The following SLC39A8 variants were observed in gnomAD, a reference collection of about 807,000 sequenced individuals.
The protein encoded by SLC39A8 is metal cation symporter ZIP8.
SLC39A8 carries 15 observed loss-of-function variants against 40.4 expected under a neutral mutation model. That is an observed-to-expected ratio of 0.37 (90% CI 0.25 to 0.57). The LOEUF (loss-of-function observed/expected upper bound fraction) is 0.57, where lower values mean the gene tolerates loss of function less well. Ranked by LOEUF, SLC39A8 falls within the 20% of genes least tolerant of loss-of-function variation. SLC39A8 has a pLI of 0.75. For synonymous variants in SLC39A8, 223 were observed against 221.6 expected (o/e 1.01, Z -0.06); for missense variants, 472 against 558.8 (o/e 0.84, Z 1.57).
Position 102,287,049 on chromosome 4 carries a change from T to C in SLC39A8, c.840+17268A>G, listed in dbSNP as rs1038103086. ...AACTGGATCTTAATTTATGCAGCTG[T>C]AAGTTGACTTAATACCAAGTTCATA... is the stretch of plus-strand genomic sequence containing the variant. On this transcript the variant is annotated intron_variant, in intron 6 of 8. Transcript: ENST00000356736. 1.2e-4 allele frequency among the ~76,000 whole-genome samples: 18 copies of C among 152,146 alleles called. 1 individual carries two copies. Among genetic ancestry groups the C allele is most frequent in the Non-Finnish European group, 2.6e-4 (18 of 68,028 alleles).
At chr4:102,286,191 G>A (rs1041678146) in intron 6 of SLC39A8, among the ~76,000 whole-genome samples, 2 of 152,120 alleles carry the variant, frequency 1.3e-5, no homozygotes, top group Non-Finnish European at 2.9e-5. Context: ...GTTTGCCACT[G>A]GGCTTTCCAC....
chr4:102,318,172 A>G (rs1035374550), intron 2 of SLC39A8, among the ~76,000 whole-genome samples: 1 of 152,184 alleles, frequency 6.6e-6, no homozygotes, highest in African/African-American at 2.4e-5. Flanking sequence ...ACAATTAGAA[A>G]AAAAGAAACA....
chr4:102,285,626 A>AC (rs1553913399), intron 6 of SLC39A8, among the ~76,000 whole-genome samples: 1 of 79,108 alleles, frequency 1.3e-5, no homozygotes, highest in Non-Finnish European at 3.3e-5. Context: ...ATTATAGATG[A>AC]GGGTGTGTGT....
At chr4:102,302,998 T>A (rs185304576) in intron 6 of SLC39A8, among the ~76,000 whole-genome samples, 1 of 151,968 alleles carries the variant, frequency 6.6e-6, no homozygotes, top group East Asian at 1.9e-4. Flanking sequence ...CTTAATCAGG[T>A]GGAGAGAAGC....
At chr4:102,253,691 A>T (rs1731644309) in intron 11 of SLC39A8, among the ~76,000 whole-genome samples, 1 of 152,176 alleles carries the variant, frequency 6.6e-6, no homozygotes, top group Non-Finnish European at 1.5e-5. Flanking sequence ...AAAAAAATTG[A>T]GACAATATTA....
At chr4:102,320,179 A>ATATATATGTATATATATATG (rs1186299517) in intron 2 of SLC39A8, among the ~76,000 whole-genome samples, 17 of 99,800 alleles carry the variant, frequency 1.7e-4, no homozygotes, top group Non-Finnish European at 2.5e-4. Flanking sequence ...ATATATATAT[A>ATATATATGTATATATATATG]TATATATATA....
At chr4:102,271,797 C>A (rs543095205) in intron 6 of SLC39A8, among the ~76,000 whole-genome samples, 1 of 152,310 alleles carries the variant, frequency 6.6e-6, no homozygotes, top group African/African-American at 2.4e-5. Flanking sequence ...ATCTCCTAAC[C>A]ATTTTTTAGC....
chr4:102,263,550 G>C (rs2149001774), intron 8 of SLC39A8, among the ~76,000 whole-genome samples: 1 of 152,194 alleles, frequency 6.6e-6, no homozygotes, highest in East Asian at 1.9e-4. Context: ...GATGGCTGCT[G>C]ACTGATTAGA....
intron 6 of SLC39A8, among the ~76,000 whole-genome samples, chr4:102,274,119 A>G (rs1732499727): frequency 6.6e-6 from 1 of 152,252 alleles, no homozygotes. Flanking sequence ...TGACAGAAGT[A>G]GGCTTCAGAA....
In SLC39A8 at chr4:102,344,685, G is replaced by A. The variant is rs1315906400; in HGVS notation, c.-23C>T. 1.4e-6 allele frequency: 2 copies of A among 1,434,382 alleles called. No homozygotes were observed. Among genetic ancestry groups the A allele is most frequent in the African/African-American group, 1.5e-5 (1 of 66,290 alleles). The allele number at this position is 1,434,382 out of a possible 1,614,324, so 88.9% of individuals were successfully genotyped here. The stretch of plus-strand genomic sequence containing the variant: ...CATCCTGGCCTGGGCTTCCCCTTGA[G>A]GGCCCGCGACGGGCTGCCGCGCAGA... On this transcript the variant is annotated 5_prime_UTR_variant, in exon 2 of 9. Transcript: ENST00000356736.
rs1578556992 is a variant in SLC39A8 at position 102,267,541 on chromosome 4, A to G, written c.1182T>C (p.Ile394=). ...ACATGCCTCCAGCAAGTGCAAATATAATATTTGGAGCGAAATTGTTGCCCA... is the reference window on the plus strand; with the variant it reads ...ACATGCCTCCAGCAAGTGCAAATATGATATTTGGAGCGAAATTGTTGCCCA... ...ILVGNNFAPN[I]IFALAGGMFL... Residue 394 remains isoleucine (I), a synonymous_variant, in exon 8 of 9, where the codon ATT becomes ATC. Transcript: ENST00000356736. 1 of 1,613,972 alleles carries G rather than the reference A, an allele frequency of 6.2e-7. No homozygotes were observed. Among genetic ancestry groups the G allele is most frequent in the Non-Finnish European group, 8.5e-7 (1 of 1,179,960 alleles).
intron 4 of SLC39A8, 102 bp from the exon 5 acceptor site, chr4:102,305,213 C>G (rs570190223): frequency 8.4e-7 from 1 of 1,195,782 alleles, no homozygotes; most frequent in East Asian, 2.7e-5. Context: ...CTAAGTCTCT[C>G]TTCACATCCA....
chr4:102,301,267 ATT>A (rs1733913273), intron 6 of SLC39A8, among the ~76,000 whole-genome samples: 1 of 152,050 alleles, frequency 6.6e-6, no homozygotes, highest in South Asian at 2.1e-4. Flanking sequence ...GTCCACTACC[ATT>A]CAGCTTCCAG....
chr4:102,319,505 A>AC (rs1466562607), intron 2 of SLC39A8, among the ~76,000 whole-genome samples: 1 of 152,050 alleles, frequency 6.6e-6, no homozygotes, highest in Admixed American at 6.6e-5. Context: ...GAGTTCCCTC[A>AC]CCCTCCATGT....
chr4:102,333,997 G>A (rs958154275), intron 2 of SLC39A8, among the ~76,000 whole-genome samples: 8 of 152,120 alleles, frequency 5.3e-5, no homozygotes, highest in East Asian at 1.9e-4. Context: ...TTATCAGAGC[G>A]GTGAGGCCTG....
At chr4:102,319,404 C>T (rs1254182071) in intron 2 of SLC39A8, among the ~76,000 whole-genome samples, 1 of 152,168 alleles carries the variant, frequency 6.6e-6, no homozygotes, top group Non-Finnish European at 1.5e-5. Flanking sequence ...CAGTCAGGCT[C>T]CTCTGAGCCC....
intron 6 of SLC39A8, among the ~76,000 whole-genome samples, chr4:102,275,390 A>T (rs1732571834): frequency 6.6e-6 from 1 of 152,214 alleles, no homozygotes; most frequent in African/African-American, 2.4e-5. Flanking sequence ...AAAAAAGGGC[A>T]TTACATAATG....
chr4:102,345,047 G>T, intron 1 of SLC39A8, 132 bp from the exon 2 acceptor site: 1 of 355,674 alleles, frequency 2.8e-6, no homozygotes, highest in Non-Finnish European at 4.2e-6. Flanking sequence ...CCGGATCCGG[G>T]TTTGCAAACG....
intron 11 of SLC39A8, among the ~76,000 whole-genome samples, chr4:102,253,715 A>G (rs1188724357): frequency 6.6e-6 from 1 of 152,196 alleles, no homozygotes; most frequent in African/African-American, 2.4e-5. Flanking sequence ...TTTTACAAAG[A>G]ACCAATTTAA....
Sources: gnomAD v4.1 joint callset for allele counts (sites outside exome capture counted in the v4.1 genomes callset) on GRCh38, gnomAD v4.1.1 for gene constraint, MANE v1.5 for transcripts, NCBI Gene and HGNC (gene_info 2026-07-23, HGNC 2026-07-21) for gene names.